DRC8: variants seen among roughly 807,000 people sequenced by gnomAD.
DRC8 encodes the protein dynein regulatory complex subunit 8, also known as dynein regulatory complex protein 8.
the DRC8 span, among the ~76,000 whole-genome samples, chr1:244,974,952 A>T: frequency 6.6e-6 from 1 of 150,478 alleles, no homozygotes; most frequent in Non-Finnish European, 1.5e-5. Flanking sequence ...TTTTTTTGAG[A>T]TGGAGTCTCG....
At chr1:245,074,547 C>T in the DRC8 span, among the ~76,000 whole-genome samples, 3 of 152,132 alleles carry the variant, frequency 2.0e-5, no homozygotes, top group Non-Finnish European at 4.4e-5. Flanking sequence ...GAGAAACTCT[C>T]GGTTGGAAGT....
chr1:244,970,353 G>A, the DRC8 span: 3 of 1,527,710 alleles, frequency 2.0e-6, no homozygotes, highest in South Asian at 2.4e-5. Context: ...GGGGCGCTGA[G>A]CAGGCCGGGA....
At chr1:244,970,273 C>A in the DRC8 span, 1 of 722,152 alleles carries the variant, frequency 1.4e-6, no homozygotes, top group South Asian at 1.5e-5. Context: ...CTCCTCCCCG[C>A]CCCGCCCCGC....
the DRC8 span, among the ~76,000 whole-genome samples, chr1:245,099,515 A>G: frequency 5.3e-5 from 8 of 152,330 alleles, no homozygotes; most frequent in African/African-American, 4.8e-5. Flanking sequence ...CACAGGCCAC[A>G]GGCCCTGTCA....
At chr1:245,020,605 T>TTTTC in the DRC8 span, among the ~76,000 whole-genome samples, 5 of 143,832 alleles carry the variant, frequency 3.5e-5, no homozygotes, top group African/African-American at 1.0e-4. Flanking sequence ...ATACTGGAGT[T>TTTTC]TTTCTTTCTT....
the DRC8 span, among the ~76,000 whole-genome samples, chr1:244,995,166 T>G: frequency 4.6e-5 from 7 of 151,964 alleles, no homozygotes; most frequent in Non-Finnish European, 7.4e-5. Flanking sequence ...ATCCAGACCA[T>G]CCTGGCCAAC....
chr1:245,001,478 A>G, the DRC8 span, among the ~76,000 whole-genome samples: 1,654 of 152,278 alleles, frequency 0.011, 34 homozygotes, highest in African/African-American at 0.037. Flanking sequence ...GGCAGAGCTT[A>G]TAGATCTATA....
At chr1:245,117,510 G>A in the DRC8 span, among the ~76,000 whole-genome samples, 3 of 151,740 alleles carry the variant, frequency 2.0e-5, no homozygotes, top group Admixed American at 2.0e-4. Context: ...GTGCAACTTC[G>A]CCTCCCAGGT....
At chr1:245,112,104 C>T in the DRC8 span, among the ~76,000 whole-genome samples, 16 of 152,320 alleles carry the variant, frequency 1.1e-4, no homozygotes, top group African/African-American at 2.9e-4. Flanking sequence ...GACAGAGTTT[C>T]GCTCTTGTTG....
At chr1:244,970,150 C>A in the DRC8 span, 1 of 684,300 alleles carries the variant, frequency 1.5e-6, no homozygotes. Context: ...AGTCCGGCTC[C>A]GGCCTCGGGT....
the DRC8 span, among the ~76,000 whole-genome samples, chr1:245,060,064 AC>A: frequency 1.3e-5 from 2 of 152,176 alleles, no homozygotes; most frequent in African/African-American, 4.8e-5. Context: ...GAAAAAAGCT[AC>A]CTGGCCAGGA....
At chr1:245,009,902 T>A in the DRC8 span, among the ~76,000 whole-genome samples, 1 of 152,334 alleles carries the variant, frequency 6.6e-6, no homozygotes, top group South Asian at 2.1e-4. Flanking sequence ...TTGCCCAGGC[T>A]GGAGTGCAGT....
chr1:245,086,323 A>G, the DRC8 span, among the ~76,000 whole-genome samples: 3 of 152,236 alleles, frequency 2.0e-5, no homozygotes, highest in African/African-American at 7.2e-5. Flanking sequence ...GTGTAATAGC[A>G]GTTGACTAGT....
chr1:245,105,475 C>T, the DRC8 span, among the ~76,000 whole-genome samples: 54 of 151,306 alleles, frequency 3.6e-4, no homozygotes, highest in South Asian at 1.7e-3. Flanking sequence ...AAAAATTAGC[C>T]AGGCATGGTG....
the DRC8 span, among the ~76,000 whole-genome samples, chr1:244,993,299 C>T: frequency 6.6e-6 from 1 of 152,216 alleles, no homozygotes; most frequent in Admixed American, 6.5e-5. Flanking sequence ...CAGTGATTCA[C>T]GTTTCTCGCA....
chr1:245,087,301 G>C, the DRC8 span: 3 of 1,611,190 alleles, frequency 1.9e-6, no homozygotes, highest in Non-Finnish European at 2.5e-6. Flanking sequence ...AATTGATCCA[G>C]AATCAAATTC....
chr1:245,114,027 A>G, the DRC8 span, among the ~76,000 whole-genome samples: 1 of 152,250 alleles, frequency 6.6e-6, no homozygotes, highest in African/African-American at 2.4e-5. Context: ...TATTTTTCAC[A>G]GAAGTGAAAA....
chr1:245,034,131 C>G, the DRC8 span, among the ~76,000 whole-genome samples: 1 of 152,210 alleles, frequency 6.6e-6, no homozygotes, highest in Admixed American at 6.5e-5. Flanking sequence ...CTCCATCCTT[C>G]TTTTCATTTA....
the DRC8 span, among the ~76,000 whole-genome samples, chr1:245,079,466 G>A: frequency 6.6e-6 from 1 of 152,208 alleles, no homozygotes; most frequent in African/African-American, 2.4e-5. Flanking sequence ...GATCTGCGGA[G>A]TTGGCACCAT....
Sources: allele counts gnomAD v4.1 joint callset (sites outside exome capture counted in the v4.1 genomes callset), GRCh38; gene constraint gnomAD v4.1.1; transcripts MANE v1.5; gene names NCBI Gene and HGNC (gene_info 2026-07-23, HGNC 2026-07-21).